SHTN1: variants seen among roughly 807,000 people sequenced by gnomAD.
The protein encoded by SHTN1 is shootin-1.
SHTN1 carries 42 observed loss-of-function variants against 83.1 expected under a neutral mutation model. The observed-to-expected ratio is 0.51, with a 90% CI of 0.39 to 0.65. The LOEUF is 0.65. Ranked by LOEUF, SHTN1 falls within the 30% of genes least tolerant of loss-of-function variation. SHTN1 has a pLI of 0.00. For missense variants in SHTN1, 622 were observed against 737.8 expected (o/e 0.84, Z 1.82); for synonymous variants, 224 against 247.7 (o/e 0.90, Z 0.90).
intron 1 of SHTN1, among the ~76,000 whole-genome samples, chr10:117,116,183 A>G (rs184798783): frequency 6.6e-6 from 1 of 152,200 alleles, no homozygotes; most frequent in African/African-American, 2.4e-5. Context: ...AGATTGAGAA[A>G]AAAAAAAGAG....
At chr10:116,954,331 C>T in intron 4 of SHTN1, 121 bp from the exon 5 acceptor site, 4 of 594,246 alleles carry the variant, frequency 6.7e-6, no homozygotes, top group Non-Finnish European at 1.1e-5. Flanking sequence ...CACAGCAGGA[C>T]ATAACAATTA....
intron 9 of SHTN1, among the ~76,000 whole-genome samples, chr10:116,937,524 G>A (rs552065080): frequency 6.6e-6 from 1 of 152,296 alleles, no homozygotes; most frequent in African/African-American, 2.4e-5. Context: ...TTTCTGCAGA[G>A]TGATCCACCG....
At chr10:117,031,509 C>T (rs1852415748) in intron 2 of SHTN1, among the ~76,000 whole-genome samples, 1 of 152,044 alleles carries the variant, frequency 6.6e-6, no homozygotes, top group Non-Finnish European at 1.5e-5. Context: ...AGTAAAACGA[C>T]TAAATGATGA....
At position 116,995,992 on chromosome 10, in the gene SHTN1, G is replaced by A. The variant is rs535000904; in HGVS notation, c.58+9030C>T. 7.5e-4 allele frequency among the ~76,000 whole-genome samples: 114 copies of A among 152,244 alleles called. 2 individuals carry two copies. The South Asian group carries it at 0.022, about 30-fold the overall frequency. On this transcript the variant is annotated intron_variant, in intron 1 of 16. Coordinates refer to ENST00000355371, the MANE Select transcript of SHTN1 (RefSeq NM_001127211.3). ...GGAGGCATTTTTGTAAGCCTAATCC[G>A]AGATTCCTTATGAAGAGTTCCAGCA...
At chr10:116,985,803 G>A (rs1296649176) in intron 1 of SHTN1, among the ~76,000 whole-genome samples, 1 of 152,196 alleles carries the variant, frequency 6.6e-6, no homozygotes, top group East Asian at 1.9e-4. Flanking sequence ...GAGGACATGA[G>A]TCACAAAAGA....
chr10:116,887,948 G>A (rs185724979), intron 16 of SHTN1, among the ~76,000 whole-genome samples: 99 of 152,234 alleles, frequency 6.5e-4, no homozygotes, highest in Non-Finnish European at 1.2e-3. Context: ...ACCCGGTCAC[G>A]GGCACAAAAC....
chr10:116,972,182 T>C (rs1850641114), intron 2 of SHTN1, among the ~76,000 whole-genome samples: 1 of 152,230 alleles, frequency 6.6e-6, no homozygotes, highest in African/African-American at 2.4e-5. Flanking sequence ...TCCAGCTATA[T>C]GGGTTCACAC....
chr10:116,949,715 G>A (rs1003085749), intron 6 of SHTN1, among the ~76,000 whole-genome samples: 1 of 152,082 alleles, frequency 6.6e-6, no homozygotes, highest in Non-Finnish European at 1.5e-5. Context: ...TTTGACTTAA[G>A]TAAGATGAAC....
chr10:117,011,178 A>G (rs1031217325), intron 2 of SHTN1, among the ~76,000 whole-genome samples: 3 of 152,244 alleles, frequency 2.0e-5, no homozygotes, highest in Non-Finnish European at 4.4e-5. Context: ...ATAATCTGTG[A>G]AAAAGCTACT....
chr10:117,070,169 C>T (rs562598024), intron 1 of SHTN1, among the ~76,000 whole-genome samples: 99 of 151,220 alleles, frequency 6.5e-4, no homozygotes, highest in Non-Finnish European at 1.2e-3. Flanking sequence ...CCATAATGGA[C>T]CCCGAAGTCA....
At position 117,070,410 on chromosome 10, in the gene SHTN1, CT is replaced by C. The variant is rs1853063225; in HGVS notation, c.-188-21901del. Among the ~76,000 whole-genome samples the C allele has an allele frequency of 3.3e-5, 5 of 152,060 alleles. No individual in the cohort carries two copies. In the South Asian group the frequency reaches 1.0e-3, roughly 32 times the overall value. On this transcript the variant is annotated intron_variant, in intron 1 of 17. Transcript: ENST00000392901. ...CTTGGGGGCTCCTTTCCTCTATCTG[CT>C]TTTCTCTTTGTGTTCTATGCTTTTT...
chr10:117,047,811 T>A (rs1852687797), intron 2 of SHTN1, among the ~76,000 whole-genome samples: 1 of 150,740 alleles, frequency 6.6e-6, no homozygotes, highest in Non-Finnish European at 1.5e-5. Context: ...GAGATGGGGT[T>A]TCACCATGTT....
intron 16 of SHTN1, chr10:116,900,575 C>G: frequency 6.5e-7 from 1 of 1,534,000 alleles, no homozygotes; most frequent in Non-Finnish European, 8.7e-7. Context: ...AATCTATACA[C>G]ACACACTGAA....
chr10:116,930,151 T>C (rs1235699372), intron 9 of SHTN1, 149 bp from the exon 10 acceptor site: 2 of 516,046 alleles, frequency 3.9e-6, no homozygotes, highest in Non-Finnish European at 6.7e-6. Context: ...AAATGCTAGA[T>C]ACAATTAACA....
intron 16 of SHTN1, among the ~76,000 whole-genome samples, chr10:116,898,189 A>C (rs1847589835): frequency 6.6e-6 from 1 of 152,066 alleles, no homozygotes. Context: ...TTAGCTGGGC[A>C]TGGTGGCAGG....
At chr10:117,074,461 A>C (rs1853126093) in intron 1 of SHTN1, among the ~76,000 whole-genome samples, 1 of 152,152 alleles carries the variant, frequency 6.6e-6, no homozygotes, top group African/African-American at 2.4e-5. Context: ...TTATATGCAA[A>C]ATTGTGCTTA....
chr10:117,017,825 T>C (rs1331267932), intron 2 of SHTN1, among the ~76,000 whole-genome samples: 1 of 152,184 alleles, frequency 6.6e-6, no homozygotes, highest in East Asian at 1.9e-4. Flanking sequence ...ACATCAATAG[T>C]GGTAAGTCAT....
chr10:117,049,039 G>A (rs1348023949), intron 1 of SHTN1, among the ~76,000 whole-genome samples: 1 of 152,108 alleles, frequency 6.6e-6, no homozygotes, highest in Non-Finnish European at 1.5e-5. Flanking sequence ...GTTTGGTGAT[G>A]ACCAAAAGTC....
intron 1 of SHTN1, among the ~76,000 whole-genome samples, chr10:117,123,183 G>C (rs1350753826): frequency 6.6e-6 from 1 of 152,132 alleles, no homozygotes; most frequent in Non-Finnish European, 1.5e-5. Context: ...TATATTTGTA[G>C]TAGAGATGGG....
Sources: gnomAD v4.1 joint callset for allele counts (sites outside exome capture counted in the v4.1 genomes callset) on GRCh38, gnomAD v4.1.1 for gene constraint, MANE v1.5 for transcripts, NCBI Gene and HGNC (gene_info 2026-07-23, HGNC 2026-07-21) for gene names.